The following C14orf39 variants were observed in gnomAD, a reference collection of about 807,000 sequenced individuals.
The protein encoded by C14orf39 is chromosome 14 open reading frame 39.
Under a neutral mutation model 85.6 loss-of-function variants are expected in C14orf39, and 66 were observed. That is an observed-to-expected ratio of 0.77 (90% CI 0.63 to 0.95). The LOEUF is 0.95. Ranked by LOEUF, C14orf39 falls within the 40% of genes least tolerant of loss-of-function variation. The pLI, the probability that C14orf39 is intolerant of heterozygous loss-of-function variation, is 0.00. For synonymous variants in C14orf39, 242 were observed against 214.0 expected (o/e 1.13, Z -1.14); for missense variants, 735 against 663.9 (o/e 1.11, Z -1.18).
chr14:60,470,330 G>A (rs1185931609), intron 7 of C14orf39, among the ~76,000 whole-genome samples: 1 of 151,832 alleles, frequency 6.6e-6, no homozygotes, highest in African/African-American at 2.4e-5. Context: ...ATAGAATAGT[G>A]ACAGTTAACA....
rs149583331 is a variant in C14orf39 at position 60,456,999 on chromosome 14, T to A, written c.1276A>T (p.Ile426Leu). ...ENFPRTSEIP[I>L]FLGTPKAVKA... ...ACAGCTTTGGGAGTTCCTAAAAATA[T>A]AGGAATTTCAGACGTTCGTGGAAAA... Residue 426 changes from isoleucine (I) to leucine (L), a missense_variant, in exon 15 of 18, where the codon ATA (isoleucine) becomes TTA (leucine). Ile to Leu is a conservative substitution (Grantham distance 5). Transcript: ENST00000321731. 1 of 1,611,504 alleles carries A rather than the reference T, an allele frequency of 6.2e-7. No individual in the cohort carries two copies. The highest frequency in any genetic ancestry group is 8.5e-7 in the Non-Finnish European group (1 of 1,178,622).
At chr14:60,456,834 C>G in intron 15 of C14orf39, 83 bp downstream of exon 15, 1 of 1,229,142 alleles carries the variant, frequency 8.1e-7, no homozygotes, top group African/African-American at 1.6e-5. Context: ...GTTAAAGGTA[C>G]TAAGCATTTT....
At chr14:60,453,199 T>C (rs894182752) in intron 16 of C14orf39, among the ~76,000 whole-genome samples, 1 of 152,114 alleles carries the variant, frequency 6.6e-6, no homozygotes, top group African/African-American at 2.4e-5. Context: ...ATTTCTCTCT[T>C]TAATTCTGTT....
intron 13 of C14orf39, among the ~76,000 whole-genome samples, chr14:60,459,147 A>G (rs1891407724): frequency 6.6e-6 from 1 of 151,738 alleles, no homozygotes; most frequent in African/African-American, 2.4e-5. Context: ...TAACATATGT[A>G]TGCTCTTATG....
chr14:60,503,965 G>A (rs985612569), intron 1 of C14orf39, among the ~76,000 whole-genome samples: 35 of 152,280 alleles, frequency 2.3e-4, no homozygotes, highest in African/African-American at 7.9e-4. Flanking sequence ...TTTCTTAACA[G>A]CAGTGTTATT....
At chr14:60,485,313 G>T (rs1177781983) in intron 1 of C14orf39, among the ~76,000 whole-genome samples, 1 of 152,202 alleles carries the variant, frequency 6.6e-6, no homozygotes, top group Non-Finnish European at 1.5e-5. Flanking sequence ...GGCACGACTT[G>T]AAGTTTTGGG....
At chr14:60,447,565 C>A (rs2140040561) in intron 16 of C14orf39, among the ~76,000 whole-genome samples, 1 of 152,308 alleles carries the variant, frequency 6.6e-6, no homozygotes, top group Non-Finnish European at 1.5e-5. Context: ...AATGGAAGAA[C>A]ATTCCATGCT....
Position 60,471,730 on chromosome 14 carries a change from A to G in C14orf39, c.333T>C (p.Tyr111=). The G allele has an allele frequency of 1.3e-6, 2 of 1,510,452 alleles. No homozygotes were observed. The highest frequency in any genetic ancestry group is 1.8e-6 in the Non-Finnish European group (2 of 1,110,330). 93.6% of individuals were successfully genotyped at this position (1,510,452 alleles called of 1,614,324 possible). The change falls in exon 6 of 18, where the codon TAT becomes TAC. Residue 111 remains tyrosine (Y), a synonymous_variant. Coordinates refer to ENST00000321731, the MANE Select transcript of C14orf39 (RefSeq NM_174978.3). Reference sequence around the variant, plus strand: ...CTTTATACTGACATATATAATCATGATACATTTCTCTGTTAAAATTAAAAG... The same window carrying G: ...CTTTATACTGACATATATAATCATGGTACATTTCTCTGTTAAAATTAAAAG... ...QGTVEKDKEM[Y]HDYICQYKEV...
At chr14:60,483,243 TTTG>T (rs909704600) in intron 4 of C14orf39, among the ~76,000 whole-genome samples, 7 of 152,166 alleles carry the variant, frequency 4.6e-5, no homozygotes, top group South Asian at 2.1e-4. Context: ...GTAATAAGTC[TTTG>T]TTGTTTTTAT....
Position 60,455,035 on chromosome 14 carries a change from G to A in C14orf39, c.1469C>T (p.Ser490Phe), listed in dbSNP as rs759017367. The A allele has an allele frequency of 1.3e-6, 2 of 1,570,078 alleles. No individual in the cohort carries two copies. The highest frequency in any genetic ancestry group is 1.4e-5 in the African/African-American group (1 of 71,318). The change falls in exon 16 of 18, where the codon TCT becomes TTT. Residue 490 changes from serine (S) to phenylalanine (F), a missense_variant. Physicochemically the swap from Ser to Phe is radical, Grantham distance 155. Coordinates refer to ENST00000321731, the MANE Select transcript of C14orf39 (RefSeq NM_174978.3). ...TGAGATTTCTGTATCAAATACAGAA[G>A]AATCAAATAAATTCAATCCAGGTGA... ...SRSPGLNLFD[S>F]SVFDTEISSD...
At chr14:60,493,926 T>C (rs1001164356) in intron 2 of C14orf39, 1 of 156,146 alleles carries the variant, frequency 6.4e-6, no homozygotes, top group Non-Finnish European at 1.4e-5. Context: ...ACACTGTTAG[T>C]AGCTCCTGGT....
chr14:60,495,841 C>CT, intron 2 of C14orf39: 1 of 296,264 alleles, frequency 3.4e-6, no homozygotes. Context: ...CCATGGCTTC[C>CT]TTTTCCCTTT....
At chr14:60,477,677 C>G (rs1339339535) in intron 5 of C14orf39, among the ~76,000 whole-genome samples, 1 of 152,148 alleles carries the variant, frequency 6.6e-6, no homozygotes, top group Non-Finnish European at 1.5e-5. Context: ...TAAGCTAATT[C>G]TACAGGTAAC....
chr14:60,496,971 G>C (rs1893077798), intron 2 of C14orf39: 1 of 152,284 alleles, frequency 6.6e-6, no homozygotes, highest in Admixed American at 6.5e-5. Context: ...GCTTCCTTCA[G>C]CTGGAAAGCA....
chr14:60,453,171 A>G (rs1440424534), intron 16 of C14orf39, among the ~76,000 whole-genome samples: 2 of 152,034 alleles, frequency 1.3e-5, no homozygotes, highest in South Asian at 4.1e-4. Context: ...AACCTCCAAT[A>G]TGTTTGAATT....
intron 16 of C14orf39, among the ~76,000 whole-genome samples, chr14:60,448,899 A>G (rs1890907224): frequency 6.6e-6 from 1 of 152,238 alleles, no homozygotes; most frequent in Non-Finnish European, 1.5e-5. Context: ...ACATGGATGC[A>G]GCTGGAAACC....
At chr14:60,482,379 G>A (rs553987609) in intron 4 of C14orf39, among the ~76,000 whole-genome samples, 11 of 152,276 alleles carry the variant, frequency 7.2e-5, no homozygotes, top group Non-Finnish European at 1.5e-4. Flanking sequence ...GACAATTCCA[G>A]TGTTGGCAAG....
chr14:60,458,278 A>G lies in C14orf39; in HGVS notation c.1179+400T>C, dbSNP rs150785646. Among the ~76,000 whole-genome samples the G allele has an allele frequency of 4.1e-3, 620 of 151,932 alleles. 7 individuals carry two copies. Among genetic ancestry groups the G allele is most frequent in the African/African-American group, 0.014 (590 of 41,510 alleles). On this transcript the variant is annotated intron_variant, in intron 14 of 17. Transcript: ENST00000321731. ...AGCTTCTCTACGTTCCTTCTTCCCC[A>G]CTACCCTTCCTGGACTCTGGTAACC...
At chr14:60,462,416 T>C (rs1176869872) in intron 11 of C14orf39, among the ~76,000 whole-genome samples, 1 of 152,144 alleles carries the variant, frequency 6.6e-6, no homozygotes, top group Admixed American at 6.6e-5. Context: ...AATATCAATA[T>C]CTAAACCATT....
Sources: gnomAD v4.1 joint callset for allele counts (sites outside exome capture counted in the v4.1 genomes callset) on GRCh38, gnomAD v4.1.1 for gene constraint, MANE v1.5 for transcripts, NCBI Gene and HGNC (gene_info 2026-07-23, HGNC 2026-07-21) for gene names.